STAU2: variants seen among roughly 807,000 people sequenced by gnomAD.
STAU2 encodes staufen double-stranded RNA binding protein 2.
A neutral mutation model predicts 65.9 loss-of-function variants in STAU2; 20 were observed. That is an observed-to-expected ratio of 0.30 (90% CI 0.21 to 0.44). The LOEUF (loss-of-function observed/expected upper bound fraction) is 0.44. Ranked by LOEUF, STAU2 falls within the 20% of genes least tolerant of loss-of-function variation. STAU2 has a pLI of 1.00. For missense variants in STAU2, 558 were observed against 683.9 expected, an observed-to-expected ratio of 0.82 and a Z score of 2.05; for synonymous variants, 232 against 233.9, an observed-to-expected ratio of 0.99 and a Z score of 0.07.
In STAU2 at chr8:73,696,069, G is replaced by C. The variant is rs186131966; in HGVS notation, c.115-7256C>G. 6.8e-3 allele frequency among the ~76,000 whole-genome samples: 1,042 copies of C among 152,282 alleles called. 11 individuals are homozygous for C. Among genetic ancestry groups the C allele is most frequent in the Non-Finnish European group, 0.011 (782 of 68,020 alleles). On this transcript the variant is annotated intron_variant, in intron 4 of 14. Coordinates refer to ENST00000524300, the MANE Select transcript of STAU2 (RefSeq NM_001164380.2). ...TGCATCACCACACCCCCAATTCCAA[G>C]TGGCTTAGCACTCCATTTGTTTGGG...
At chr8:73,611,295 C>T (rs1055955614) in intron 9 of STAU2, among the ~76,000 whole-genome samples, 2 of 152,138 alleles carry the variant, frequency 1.3e-5, no homozygotes, top group African/African-American at 4.8e-5. Flanking sequence ...AGGGTATCTA[C>T]AAGCTTTATT....
chr8:73,699,796 G>A (rs1463360801), intron 4 of STAU2, among the ~76,000 whole-genome samples: 8 of 149,162 alleles, frequency 5.4e-5, no homozygotes, highest in African/African-American at 1.5e-4. Flanking sequence ...AGAGGAGGAC[G>A]GAATGCTTCC....
At chr8:73,470,480 G>A (rs1303195848) in intron 13 of STAU2, among the ~76,000 whole-genome samples, 1 of 152,144 alleles carries the variant, frequency 6.6e-6, no homozygotes, top group African/African-American at 2.4e-5. Flanking sequence ...GCTGGGGAAG[G>A]TGAATCTAAT....
intron 13 of STAU2, among the ~76,000 whole-genome samples, chr8:73,444,080 A>C (rs2128891869): frequency 6.6e-6 from 1 of 152,226 alleles, no homozygotes; most frequent in South Asian, 2.1e-4. Flanking sequence ...AGAGAAAATA[A>C]AATGGAAGGT....
intron 3 of STAU2, among the ~76,000 whole-genome samples, chr8:73,728,977 G>C (rs933999268): frequency 1.3e-5 from 2 of 152,210 alleles, no homozygotes; most frequent in South Asian, 4.2e-4. Context: ...GGTGAGAATG[G>C]GTATCCGTGC....
At chr8:73,604,345 C>T (rs1196522887) in intron 9 of STAU2, among the ~76,000 whole-genome samples, 1 of 152,100 alleles carries the variant, frequency 6.6e-6, no homozygotes, top group Non-Finnish European at 1.5e-5. Flanking sequence ...TCTCGTGCCT[C>T]AGCCTCCCAA....
Position 73,729,057 on chromosome 8 carries a change from T to C in STAU2, c.-18+9227A>G, listed in dbSNP as rs546098015. 2.6e-5 allele frequency among the ~76,000 whole-genome samples: 4 copies of C among 152,348 alleles called. No homozygotes were observed. In the East Asian group the frequency reaches 7.7e-4, roughly 29 times the overall value. Reference sequence around the variant, plus strand: ...GAGTTGGATGTTAGCTGTGGGTTTTTTCATAAACGCTGAATGTTGAGGAAA... The same window carrying C: ...GAGTTGGATGTTAGCTGTGGGTTTTCTCATAAACGCTGAATGTTGAGGAAA... On this transcript the variant is annotated intron_variant, in intron 3 of 14. Transcript: ENST00000524300.
chr8:73,588,733 T>C (rs1226509025), intron 11 of STAU2, among the ~76,000 whole-genome samples: 3 of 152,022 alleles, frequency 2.0e-5, no homozygotes, highest in East Asian at 1.9e-4. Context: ...ATAGAAAACC[T>C]ACTTGAGAGT....
At chr8:73,497,210 T>C (rs1026790743) in intron 13 of STAU2, among the ~76,000 whole-genome samples, 3 of 151,730 alleles carry the variant, frequency 2.0e-5, no homozygotes, top group African/African-American at 7.2e-5. Flanking sequence ...TATTAAATAA[T>C]TGCCAAGTCC....
intron 13 of STAU2, among the ~76,000 whole-genome samples, chr8:73,437,002 C>CCTTTAT (rs1225545656): frequency 6.6e-6 from 1 of 152,148 alleles, no homozygotes; most frequent in Non-Finnish European, 1.5e-5. Context: ...AACTCTAAAT[C>CCTTTAT]CTTTATATCA....
intron 13 of STAU2, among the ~76,000 whole-genome samples, chr8:73,453,020 C>T (rs1818883089): frequency 6.6e-6 from 1 of 152,170 alleles, no homozygotes; most frequent in African/African-American, 2.4e-5. Flanking sequence ...TAATTTAGAT[C>T]TGCTGTTAAA....
chr8:73,663,474 G>C (rs1816990840), intron 6 of STAU2, among the ~76,000 whole-genome samples: 1 of 152,090 alleles, frequency 6.6e-6, no homozygotes, highest in Admixed American at 6.6e-5. Context: ...CTGCTGTCTT[G>C]ATTATTGTAG....
chr8:73,585,417 T>C lies in STAU2; in HGVS notation c.1162-2587A>G, dbSNP rs1586061875. On this transcript the variant is annotated intron_variant, in intron 11 of 14. Coordinates refer to ENST00000524300, the MANE Select transcript of STAU2 (RefSeq NM_001164380.2). ...ATCGCTTGAACCCGGGAGGCGGAGG[T>C]TGCAGTGAGCTGAGATCGTGCCATT... Among the ~76,000 whole-genome samples the C allele has an allele frequency of 2.0e-5, 3 of 152,080 alleles. 1 individual carries two copies. Among genetic ancestry groups the C allele is most frequent in the South Asian group, 4.1e-4 (2 of 4,824 alleles).
chr8:73,432,042 T>C (rs909493610), intron 13 of STAU2, among the ~76,000 whole-genome samples: 3 of 152,178 alleles, frequency 2.0e-5, no homozygotes, highest in Non-Finnish European at 4.4e-5. Context: ...ATTTTGTCTT[T>C]TTCCATTTCA....
At chr8:73,542,121 T>G (rs186160774) in intron 13 of STAU2, among the ~76,000 whole-genome samples, 4 of 152,198 alleles carry the variant, frequency 2.6e-5, no homozygotes, top group African/African-American at 9.6e-5. Flanking sequence ...CCAAACTAGA[T>G]TAAAAACACT....
chr8:73,436,931 T>C (rs1388651487), intron 13 of STAU2, among the ~76,000 whole-genome samples: 1 of 152,178 alleles, frequency 6.6e-6, no homozygotes, highest in Non-Finnish European at 1.5e-5. Flanking sequence ...ATGTTTTTCC[T>C]GTAATATTCC....
At chr8:73,689,596 C>G (rs1819184716) in intron 4 of STAU2, among the ~76,000 whole-genome samples, 1 of 152,150 alleles carries the variant, frequency 6.6e-6, no homozygotes, top group Non-Finnish European at 1.5e-5. Flanking sequence ...TCCATTCTCA[C>G]TGTATTTCCA....
At chr8:73,699,030 CAA>C (rs1308596109) in intron 4 of STAU2, among the ~76,000 whole-genome samples, 3 of 150,428 alleles carry the variant, frequency 2.0e-5, no homozygotes, top group Non-Finnish European at 4.4e-5. Context: ...AAATCAATAA[CAA>C]GAGGAATTTT....
chr8:73,622,044 C>T (rs1489794413), intron 6 of STAU2, among the ~76,000 whole-genome samples: 1 of 150,804 alleles, frequency 6.6e-6, no homozygotes, highest in Admixed American at 6.6e-5. Context: ...GCAAGCTCCG[C>T]CTCCCGGGTT....
Sources: allele counts gnomAD v4.1 joint callset (sites outside exome capture counted in the v4.1 genomes callset), GRCh38; gene constraint gnomAD v4.1.1; transcripts MANE v1.5; gene names NCBI Gene and HGNC (gene_info 2026-07-23, HGNC 2026-07-21).